The following CAMK1D variants were observed in gnomAD, a reference collection of about 807,000 sequenced individuals.
The protein encoded by CAMK1D is calcium/calmodulin-dependent protein kinase type 1D.
CAMK1D carries 9 observed loss-of-function variants against 47.7 expected under a neutral mutation model. The ratio of observed to expected loss-of-function variants is 0.19; its 90% CI spans 0.11 to 0.33. The LOEUF (loss-of-function observed/expected upper bound fraction) is 0.33. Ranked by LOEUF, CAMK1D falls within the 10% of genes least tolerant of loss-of-function variation. CAMK1D has a pLI of 1.00. For synonymous variants in CAMK1D, 184 were observed against 184.9 expected, an observed-to-expected ratio of 0.99 and a Z score of 0.04; for missense variants, 291 against 488.7, an observed-to-expected ratio of 0.60 and a Z score of 3.81.
At chr10:12,828,596 G>A (rs544621614) in intron 10 of CAMK1D, among the ~76,000 whole-genome samples, 173 bp from the exon 11 acceptor site, 86 of 151,578 alleles carry the variant, frequency 5.7e-4, no homozygotes, top group Admixed American at 2.3e-3. Context: ...ACCCGAGATC[G>A]TGCCACTGCA....
intron 1 of CAMK1D, among the ~76,000 whole-genome samples, chr10:12,423,253 C>G (rs886788425): frequency 6.6e-6 from 1 of 151,140 alleles, no homozygotes; most frequent in African/African-American, 2.4e-5. Context: ...GTGGCTCACG[C>G]CTGTAACTCC....
chr10:12,678,818 C>A (rs1840896128), intron 3 of CAMK1D, among the ~76,000 whole-genome samples: 1 of 151,956 alleles, frequency 6.6e-6, no homozygotes, highest in Non-Finnish European at 1.5e-5. Flanking sequence ...ACACTGTCAC[C>A]CAGGCTGCAT....
intron 2 of CAMK1D, among the ~76,000 whole-genome samples, chr10:12,620,548 C>G (rs556491117): frequency 1.1e-4 from 17 of 152,342 alleles, no homozygotes; most frequent in African/African-American, 4.1e-4. Context: ...TATGGGCCTA[C>G]TTGCCATGTG....
At chr10:12,555,996 C>T (rs1333332073) in intron 2 of CAMK1D, among the ~76,000 whole-genome samples, 1 of 152,144 alleles carries the variant, frequency 6.6e-6, no homozygotes, top group African/African-American at 2.4e-5. Flanking sequence ...CAAGGAGGGC[C>T]AGAGGGCTGG....
chr10:12,811,681 AT>A (rs1327826720), intron 6 of CAMK1D, among the ~76,000 whole-genome samples: 4 of 152,336 alleles, frequency 2.6e-5, no homozygotes, highest in African/African-American at 7.2e-5. Flanking sequence ...TTCTTAAAGA[AT>A]TTTTTCCTTG....
chr10:12,611,431 A>G (rs985060717), intron 2 of CAMK1D, among the ~76,000 whole-genome samples: 7 of 151,634 alleles, frequency 4.6e-5, no homozygotes, highest in African/African-American at 1.2e-4. Flanking sequence ...GAATCCAGAC[A>G]TTTTCCAGCT....
In CAMK1D at chr10:12,570,058, G is replaced by C. The variant is rs1026479899; in HGVS notation, c.224+16702G>C. On this transcript the variant is annotated intron_variant, in intron 2 of 10. Transcript: ENST00000619168. ...CAACTAAAAATACAAAAAGTAGCTG[G>C]ATGTGGTAGCATGTACCTGTAATCC... Among the ~76,000 whole-genome samples the C allele has an allele frequency of 1.1e-4, 16 of 152,204 alleles. 1 individual carries two copies. Among genetic ancestry groups the C allele is most frequent in the African/African-American group, 3.9e-4 (16 of 41,544 alleles).
intron 3 of CAMK1D, among the ~76,000 whole-genome samples, chr10:12,729,461 C>T (rs946695823): frequency 2.0e-5 from 3 of 152,008 alleles, no homozygotes; most frequent in Non-Finnish European, 4.4e-5. Flanking sequence ...CATAGCAAGA[C>T]CTCGTCTCTA....
intron 1 of CAMK1D, among the ~76,000 whole-genome samples, chr10:12,388,901 C>A (rs924089126): frequency 1.3e-4 from 20 of 152,158 alleles, no homozygotes; most frequent in African/African-American, 4.3e-4. Flanking sequence ...GAAAGCCTGT[C>A]GTTGGAGGAA....
At chr10:12,797,844 C>T (rs72773658) in intron 6 of CAMK1D, among the ~76,000 whole-genome samples, 7,096 of 152,192 alleles carry the variant, frequency 0.047, 191 homozygotes, top group Non-Finnish European at 0.06. Flanking sequence ...AGGCAAGGGA[C>T]TTGAGGCATT....
intron 2 of CAMK1D, among the ~76,000 whole-genome samples, chr10:12,624,788 T>C (rs1448973960): frequency 1.3e-5 from 2 of 152,208 alleles, no homozygotes; most frequent in African/African-American, 4.8e-5. Context: ...TTCCCATTTC[T>C]CTTGAACCCC....
In CAMK1D at chr10:12,502,136, C is replaced by T. The variant is rs557559857; in HGVS notation, c.93-51089C>T. 2.6e-5 allele frequency among the ~76,000 whole-genome samples: 4 copies of T among 152,154 alleles called. No individual in the cohort carries two copies. The South Asian group carries it at 8.3e-4, about 32-fold the overall frequency. On this transcript the variant is annotated intron_variant, in intron 1 of 10. Transcript: ENST00000619168. ...ACGGTGAGGAGGACCTGTCATAGGG[C>T]GGAGGCTCTGTGCCGGGAGCAGCAG...
intron 2 of CAMK1D, among the ~76,000 whole-genome samples, chr10:12,565,849 G>C (rs778511556): frequency 1.8e-4 from 28 of 151,962 alleles, no homozygotes; most frequent in Non-Finnish European, 3.5e-4. Context: ...CTGTCCCTGT[G>C]TTCTCTTGTG....
intron 2 of CAMK1D, among the ~76,000 whole-genome samples, chr10:12,645,113 T>A (rs1376350276): frequency 6.6e-6 from 1 of 152,222 alleles, no homozygotes; most frequent in East Asian, 1.9e-4. Flanking sequence ...TCTTTGTTCT[T>A]TTCACATTTT....
At chr10:12,357,858 T>A (rs780217278) in intron 1 of CAMK1D, among the ~76,000 whole-genome samples, 6 of 152,152 alleles carry the variant, frequency 3.9e-5, no homozygotes, top group African/African-American at 9.7e-5. Context: ...TTTTATTAGA[T>A]CTCACTTGAT....
intron 1 of CAMK1D, among the ~76,000 whole-genome samples, chr10:12,433,488 T>G (rs145325541): frequency 2.6e-3 from 393 of 152,246 alleles, no homozygotes; most frequent in African/African-American, 8.9e-3. Flanking sequence ...CTTGGTTATT[T>G]AGTCAACAAA....
chr10:12,814,179 C>G lies in CAMK1D; in HGVS notation c.642-16C>G. The stretch of plus-strand genomic sequence containing the variant: ...TTATGCAGATGTTCCAGCTTTTACT[C>G]CATTTTGTCTCCTAGGCTCTGCGGC... On this transcript the variant is annotated splice_polypyrimidine_tract_variant and intron_variant, in intron 6 of 10. Coordinates refer to ENST00000619168, the MANE Select transcript of CAMK1D (RefSeq NM_153498.4). 1 of 1,549,696 alleles carries G rather than the reference C, an allele frequency of 6.5e-7. No homozygotes were observed.
At chr10:12,516,618 A>T (rs539791640) in intron 1 of CAMK1D, among the ~76,000 whole-genome samples, 1 of 152,366 alleles carries the variant, frequency 6.6e-6, no homozygotes, top group South Asian at 2.1e-4. Context: ...GCGTATCATG[A>T]TGCTGTTGCT....
intron 1 of CAMK1D, among the ~76,000 whole-genome samples, chr10:12,454,364 G>T (rs572320581): frequency 6.6e-6 from 1 of 151,768 alleles, no homozygotes; most frequent in East Asian, 1.9e-4. Context: ...GGGCTTTACC[G>T]TGTTAGCCAA....
Sources: gnomAD v4.1 joint callset for allele counts (sites outside exome capture counted in the v4.1 genomes callset) on GRCh38, gnomAD v4.1.1 for gene constraint, MANE v1.5 for transcripts, NCBI Gene and HGNC (gene_info 2026-07-23, HGNC 2026-07-21) for gene names.